RAD51B: variants seen among roughly 807,000 people sequenced by gnomAD.
The protein encoded by RAD51B is DNA repair protein RAD51 homolog 2.
Under a neutral mutation model 42.2 loss-of-function variants are expected in RAD51B, and 38 were observed. The ratio of observed to expected loss-of-function variants is 0.90; its 90% confidence interval spans 0.70 to 1.18. The LOEUF (loss-of-function observed/expected upper bound fraction) is 1.18, where lower values mean the gene tolerates loss of function less well. RAD51B is among the 50% of genes most tolerant of loss of function. RAD51B has a pLI of 0.00. For synonymous variants in RAD51B, 154 were observed against 145.2 expected, an observed-to-expected ratio of 1.06 and a Z score of -0.43; for missense variants, 373 against 400.7, an observed-to-expected ratio of 0.93 and a Z score of 0.59.
chr14:68,330,809 T>C (rs2082332519), intron 8 of RAD51B, among the ~76,000 whole-genome samples: 1 of 152,198 alleles, frequency 6.6e-6, no homozygotes, highest in African/African-American at 2.4e-5. Flanking sequence ...CTTCATTAAC[T>C]AGATAAGATA....
chr14:67,951,635 A>G (rs1217590486), intron 7 of RAD51B, among the ~76,000 whole-genome samples: 1 of 152,142 alleles, frequency 6.6e-6, no homozygotes, highest in Admixed American at 6.5e-5. Context: ...TGCTTTATCA[A>G]TAGGTGAAAG....
At chr14:68,169,586 C>G (rs1021848747) in intron 7 of RAD51B, among the ~76,000 whole-genome samples, 2 of 152,072 alleles carry the variant, frequency 1.3e-5, no homozygotes, top group East Asian at 3.8e-4. Context: ...AACCTCCTCC[C>G]CCAGTCTGAT....
intron 7 of RAD51B, among the ~76,000 whole-genome samples, chr14:68,174,071 C>T (rs1003654481): frequency 6.6e-6 from 1 of 152,124 alleles, no homozygotes; most frequent in African/African-American, 2.4e-5. Context: ...ATTCCTTCTT[C>T]CTCTCTTATC....
At chr14:67,820,804 C>T (rs1419127335) in intron 1 of RAD51B, among the ~76,000 whole-genome samples, 1 of 152,108 alleles carries the variant, frequency 6.6e-6, no homozygotes, top group Non-Finnish European at 1.5e-5. Context: ...GTGCCACGCA[C>T]TCCCCGAGTC....
At chr14:68,258,733 A>G (rs1021730474) in intron 7 of RAD51B, among the ~76,000 whole-genome samples, 11 of 152,142 alleles carry the variant, frequency 7.2e-5, no homozygotes, top group African/African-American at 2.7e-4. Context: ...GGGGCAGGTC[A>G]TGACCATCCC....
At chr14:68,543,997 C>CA (rs1236731219) in intron 10 of RAD51B, among the ~76,000 whole-genome samples, 1 of 152,168 alleles carries the variant, frequency 6.6e-6, no homozygotes, top group African/African-American at 2.4e-5. Flanking sequence ...GACCTTCAGA[C>CA]AAATGTGTAT....
intron 7 of RAD51B, among the ~76,000 whole-genome samples, chr14:68,157,221 T>C (rs1471078351): frequency 1.3e-5 from 2 of 152,042 alleles, no homozygotes; most frequent in Non-Finnish European, 2.9e-5. Context: ...CAAAAGGGAC[T>C]TACTTTGGGG....
At chr14:68,502,986 T>C (rs1194815148) in intron 10 of RAD51B, among the ~76,000 whole-genome samples, 3 of 152,232 alleles carry the variant, frequency 2.0e-5, no homozygotes, top group African/African-American at 7.2e-5. Context: ...TGGTTCTGCC[T>C]GGACTGGTCC....
At chr14:68,352,332 G>T (rs1279978314) in intron 8 of RAD51B, among the ~76,000 whole-genome samples, 1 of 152,184 alleles carries the variant, frequency 6.6e-6, no homozygotes, top group Admixed American at 6.5e-5. Flanking sequence ...CTCTGGCCAG[G>T]TCTGATGCCT....
intron 7 of RAD51B, among the ~76,000 whole-genome samples, chr14:68,174,669 T>C (rs1231586789): frequency 6.6e-6 from 1 of 152,176 alleles, no homozygotes; most frequent in East Asian, 1.9e-4. Flanking sequence ...TCAACGTTAA[T>C]GACTAAAATT....
intron 7 of RAD51B, among the ~76,000 whole-genome samples, chr14:68,223,868 C>T (rs192142351): frequency 9.7e-4 from 148 of 152,312 alleles, no homozygotes; most frequent in African/African-American, 3.5e-3. Context: ...ATGTTTCATG[C>T]TGTGCTGCTT....
chr14:68,541,056 A>C, intron 10 of RAD51B: 1 of 985,380 alleles, frequency 1.0e-6, no homozygotes, highest in Non-Finnish European at 1.2e-6. Context: ...GTCATAAAAG[A>C]AGAGGGTATG....
chr14:68,373,919 T>C (rs1469759818), intron 8 of RAD51B, among the ~76,000 whole-genome samples: 1 of 152,204 alleles, frequency 6.6e-6, no homozygotes, highest in Non-Finnish European at 1.5e-5. Flanking sequence ...TGAAGCACCT[T>C]TTATTTGAAG....
At chr14:68,121,058 G>A (rs1158191468) in intron 7 of RAD51B, among the ~76,000 whole-genome samples, 1 of 152,130 alleles carries the variant, frequency 6.6e-6, no homozygotes, top group Non-Finnish European at 1.5e-5. Flanking sequence ...ATGGAGGAAT[G>A]GGTTATAGGG....
chr14:67,935,613 T>G (rs1417340933), intron 7 of RAD51B, among the ~76,000 whole-genome samples: 1 of 152,212 alleles, frequency 6.6e-6, no homozygotes, highest in Non-Finnish European at 1.5e-5. Flanking sequence ...GGGATCCTCC[T>G]GCTTTGGCCT....
chr14:68,305,972 CACAA>C (rs2081851535), intron 8 of RAD51B, among the ~76,000 whole-genome samples: 1 of 152,316 alleles, frequency 6.6e-6, no homozygotes, highest in East Asian at 1.9e-4. Flanking sequence ...TCTCTTCAGA[CACAA>C]ACAATCGAGC....
At chr14:68,172,871 G>A (rs1268509629) in intron 7 of RAD51B, among the ~76,000 whole-genome samples, 1 of 152,128 alleles carries the variant, frequency 6.6e-6, no homozygotes, top group African/African-American at 2.4e-5. Context: ...TGCCCTTCCT[G>A]TATTGTAGTC....
chr14:68,297,622 G>T (rs1039425766), intron 8 of RAD51B, among the ~76,000 whole-genome samples: 2 of 152,144 alleles, frequency 1.3e-5, no homozygotes, highest in Non-Finnish European at 2.9e-5. Context: ...ACTCCTTGGG[G>T]GTATGGTGCA....
intron 8 of RAD51B, among the ~76,000 whole-genome samples, chr14:68,342,677 G>A (rs1038563272): frequency 6.6e-6 from 1 of 152,270 alleles, no homozygotes; most frequent in African/African-American, 2.4e-5. Flanking sequence ...TCAAGTGAAA[G>A]CAAGTAGAAA....
Sources: gnomAD v4.1 joint callset for allele counts (sites outside exome capture counted in the v4.1 genomes callset) on GRCh38, gnomAD v4.1.1 for gene constraint, MANE v1.5 for transcripts, NCBI Gene and HGNC (gene_info 2026-07-23, HGNC 2026-07-21) for gene names.